PCDHA4: variants seen among roughly 807,000 people sequenced by gnomAD.
PCDHA4 encodes protocadherin alpha-4.
PCDHA4 carries 49 observed loss-of-function variants against 61.4 expected under a neutral mutation model. The ratio of observed to expected loss-of-function variants is 0.80; its 90% CI spans 0.63 to 1.01. The LOEUF is 1.01. Ranked by LOEUF, PCDHA4 falls within the 50% of genes least tolerant of loss-of-function variation. The probability of loss-of-function intolerance (pLI) is 0.00; values close to 1 mark genes in which losing one functional copy is unlikely to be tolerated. For synonymous variants in PCDHA4, 590 were observed against 550.3 expected (o/e 1.07, Z -1.01); for missense variants, 1,254 against 1,235.8 (o/e 1.01, Z -0.22).
intron 1 of PCDHA4, chr5:140,823,187 G>A: frequency 6.2e-7 from 1 of 1,613,888 alleles, no homozygotes; most frequent in Non-Finnish European, 8.5e-7. Flanking sequence ...CCGCCAGGCT[G>A]CCACATCTTC....
chr5:140,926,199 G>C (rs541337659), intron 1 of PCDHA4, among the ~76,000 whole-genome samples: 1 of 151,790 alleles, frequency 6.6e-6, no homozygotes, highest in African/African-American at 2.4e-5. Context: ...CACTTCTTTC[G>C]GGGGGCTCCT....
chr5:140,995,800 A>G (rs180764210), intron 3 of PCDHA4, among the ~76,000 whole-genome samples: 3 of 152,282 alleles, frequency 2.0e-5, no homozygotes, highest in Non-Finnish European at 2.9e-5. Context: ...GTCTCATGTT[A>G]GTTTCTGAAG....
chr5:140,824,360 A>G, intron 1 of PCDHA4: 1 of 580,340 alleles, frequency 1.7e-6, no homozygotes. Flanking sequence ...ATTTTATATT[A>G]GCATTTGAAT....
chr5:140,887,857 G>A lies in PCDHA4; in HGVS notation c.2385+78285G>A, dbSNP rs139840938. Among the ~76,000 whole-genome samples the A allele has an allele frequency of 2.6e-3, 395 of 152,084 alleles. 2 individuals carry two copies. The highest frequency in any genetic ancestry group is 9.3e-3 in the African/African-American group (384 of 41,488). ...TATCTTTTATTGACATATTTTCCAAGTTCACTAATTTTTCCTTTTGTAGTA... is the reference window on the plus strand; with the variant it reads ...TATCTTTTATTGACATATTTTCCAAATTCACTAATTTTTCCTTTTGTAGTA... On this transcript the variant is annotated intron_variant, in intron 1 of 3. Coordinates refer to ENST00000530339, the MANE Select transcript of PCDHA4 (RefSeq NM_018907.4).
chr5:140,905,948 G>A (rs2072228532), intron 1 of PCDHA4, among the ~76,000 whole-genome samples: 3 of 152,180 alleles, frequency 2.0e-5, no homozygotes, highest in Non-Finnish European at 4.4e-5. Flanking sequence ...CTTGGAATCC[G>A]ATGTTCAAGG....
intron 1 of PCDHA4, among the ~76,000 whole-genome samples, chr5:140,957,750 TGTTCATTATATATGTTAAGTAAAAACTAA>T (rs1477515057): frequency 6.6e-6 from 1 of 152,128 alleles, no homozygotes; most frequent in African/African-American, 2.4e-5. Context: ...CATGAAAGGA[TGTTCATTATATATGTTAAGTAAAAACTAA>T]GTTCATCATA....
intron 1 of PCDHA4, chr5:140,843,878 T>A (rs1234503395): frequency 5.4e-6 from 4 of 744,588 alleles, no homozygotes; most frequent in Non-Finnish European, 8.7e-6. Context: ...CTCAGTGGCA[T>A]AATACAGTAT....
intron 1 of PCDHA4, among the ~76,000 whole-genome samples, chr5:140,939,456 T>C (rs1554212738): frequency 6.6e-6 from 1 of 152,206 alleles, no homozygotes; most frequent in Non-Finnish European, 1.5e-5. Flanking sequence ...GTGAAATTTA[T>C]AGGCCTAGAA....
chr5:140,864,848 T>A (rs1581726954), intron 1 of PCDHA4: 1 of 152,184 alleles, frequency 6.6e-6, no homozygotes, highest in Non-Finnish European at 1.5e-5. Flanking sequence ...AGTCTTCCCA[T>A]ACATGATGAA....
chr5:140,813,314 A>G (rs2126645586), intron 1 of PCDHA4: 7 of 152,222 alleles, frequency 4.6e-5, no homozygotes, highest in Non-Finnish European at 4.4e-5. Flanking sequence ...CTGTGCAAAC[A>G]TGAGAGTGTA....
intron 1 of PCDHA4, among the ~76,000 whole-genome samples, chr5:140,881,147 A>T (rs982102013): frequency 1.3e-5 from 2 of 152,356 alleles, no homozygotes; most frequent in East Asian, 3.9e-4. Context: ...ATAACAATAG[A>T]TAAAAGTAAG....
At chr5:140,963,421 T>C (rs1554226598) in intron 1 of PCDHA4, among the ~76,000 whole-genome samples, 2 of 152,252 alleles carry the variant, frequency 1.3e-5, no homozygotes, top group African/African-American at 4.8e-5. Flanking sequence ...ACAGCATGTT[T>C]AGGAACTAAC....
At chr5:140,920,184 AAT>A (rs782376164) in intron 1 of PCDHA4, among the ~76,000 whole-genome samples, 19 of 152,348 alleles carry the variant, frequency 1.2e-4, no homozygotes, top group East Asian at 9.6e-4. Context: ...AGTGTGTAGT[AAT>A]TTGTCACAGC....
At chr5:140,954,722 G>A (rs1554221565) in intron 1 of PCDHA4, among the ~76,000 whole-genome samples, 1 of 152,092 alleles carries the variant, frequency 6.6e-6, no homozygotes, top group African/African-American at 2.4e-5. Context: ...TCTGTAGGTT[G>A]TCTTTTCACT....
intron 1 of PCDHA4, among the ~76,000 whole-genome samples, chr5:140,913,410 C>A (rs375204256): frequency 6.6e-6 from 1 of 152,040 alleles, no homozygotes; most frequent in Non-Finnish European, 1.5e-5. Flanking sequence ...CCTTTGAATT[C>A]CTGCAGTATC....
chr5:140,826,218 T>A (rs1768851358), intron 1 of PCDHA4, among the ~76,000 whole-genome samples: 1 of 152,214 alleles, frequency 6.6e-6, no homozygotes, highest in Non-Finnish European at 1.5e-5. Context: ...AAAAATCAAG[T>A]TTTGTGATAT....
At chr5:140,874,372 A>C (rs1055265865) in intron 1 of PCDHA4, among the ~76,000 whole-genome samples, 1 of 152,362 alleles carries the variant, frequency 6.6e-6, no homozygotes, top group South Asian at 2.1e-4. Context: ...TAAACTCATG[A>C]AAGGTCTTTT....
At chr5:140,937,786 T>C (rs246073) in intron 1 of PCDHA4, among the ~76,000 whole-genome samples, 52,378 of 148,788 alleles carry the variant, frequency 0.35, 9,253 homozygotes, top group East Asian at 0.54. Flanking sequence ...GTGGCGGGCG[T>C]ATGTAGTCCC....
chr5:140,917,151 G>A (rs974449842), intron 1 of PCDHA4, among the ~76,000 whole-genome samples: 1 of 152,160 alleles, frequency 6.6e-6, no homozygotes, highest in Non-Finnish European at 1.5e-5. Flanking sequence ...TGCTGCTGGG[G>A]GATATGGGAG....
Sources: allele counts gnomAD v4.1 joint callset (sites outside exome capture counted in the v4.1 genomes callset), GRCh38; gene constraint gnomAD v4.1.1; transcripts MANE v1.5; gene names NCBI Gene and HGNC (gene_info 2026-07-23, HGNC 2026-07-21).